The following SAMD12 variants were observed in gnomAD, a reference collection of about 807,000 sequenced individuals.
The protein encoded by SAMD12 is sterile alpha motif domain containing 12.
Under a neutral mutation model 15.0 loss-of-function variants are expected in SAMD12, and 9 were observed. The ratio of observed to expected loss-of-function variants is 0.60; its 90% CI spans 0.36 to 1.05. The LOEUF is 1.05. Among genes scored for constraint, SAMD12 ranks in the 50% least tolerant of loss-of-function variants. The probability of loss-of-function intolerance (pLI) is 0.01; values close to 1 mark genes in which losing one functional copy is unlikely to be tolerated. For synonymous variants in SAMD12, 86 were observed against 90.1 expected (o/e 0.96, Z 0.25); for missense variants, 230 against 234.2 (o/e 0.98, Z 0.12).
At chr8:118,321,113 GATAT>G (rs1816231685) in intron 4 of SAMD12, among the ~76,000 whole-genome samples, 1 of 108,160 alleles carries the variant, frequency 9.2e-6, no homozygotes, top group Non-Finnish European at 1.9e-5. Flanking sequence ...TAATATATAT[GATAT>G]ATATAACATA....
intron 4 of SAMD12, among the ~76,000 whole-genome samples, chr8:118,355,620 CAGTCCCAGAAAAA>C (rs772091731): frequency 2.2e-4 from 34 of 152,256 alleles, no homozygotes; most frequent in Non-Finnish European, 2.9e-4. Flanking sequence ...AGGATTCTTC[CAGTCCCAGAAAAA>C]ACTAAAAATC....
At chr8:118,613,510 T>C (rs1346961574) in intron 1 of SAMD12, among the ~76,000 whole-genome samples, 2 of 152,248 alleles carry the variant, frequency 1.3e-5, no homozygotes, top group Non-Finnish European at 2.9e-5. Flanking sequence ...TGACTTTTCA[T>C]AGCATGATTA....
At chr8:118,329,315 G>GT (rs1432974117) in intron 4 of SAMD12, among the ~76,000 whole-genome samples, 5 of 151,942 alleles carry the variant, frequency 3.3e-5, no homozygotes, top group South Asian at 4.1e-4. Flanking sequence ...TTACTTTTAG[G>GT]TTTTTTGTAT....
At chr8:118,611,828 GCCCTGGAAAAT>G (rs1452688934) in intron 1 of SAMD12, among the ~76,000 whole-genome samples, 4 of 152,122 alleles carry the variant, frequency 2.6e-5, no homozygotes, top group Non-Finnish European at 5.9e-5. Flanking sequence ...CCAGTGGTAA[GCCCTGGAAAAT>G]CCCAATATGT....
At chr8:118,197,653 G>C in exon 5 of SAMD12, 1 of 1,450,720 alleles carries the variant, frequency 6.9e-7, no homozygotes, top group Admixed American at 1.7e-5. Flanking sequence ...CTTTCTGTGA[G>C]GAACAGGCCA....
intron 2 of SAMD12, among the ~76,000 whole-genome samples, chr8:118,510,439 G>A (rs575249508): frequency 6.6e-6 from 1 of 152,180 alleles, no homozygotes; most frequent in African/African-American, 2.4e-5. Context: ...AACTACACAT[G>A]TTTTATAGAG....
rs545962892 is a variant in SAMD12, at chr8:118,615,870, G to A, written c.13+5934C>T. On this transcript the variant is annotated intron_variant, in intron 1 of 3. Coordinates refer to ENST00000314727, the MANE Select transcript of SAMD12 (RefSeq NM_207506.3). ...GTACAATTAGACTGAAACCCTGTCC[G>A]AACTAGCTAAGAGGGCTACAAAAGA... Among the ~76,000 whole-genome samples, 21 of 152,204 alleles carry A rather than the reference G, an allele frequency of 1.4e-4. 1 individual carries two copies. The highest frequency in any genetic ancestry group is 1.5e-5 in the Non-Finnish European group (1 of 68,032).
At chr8:118,151,966 C>T in the SAMD12 span, among the ~76,000 whole-genome samples, 1 of 152,030 alleles carries the variant, frequency 6.6e-6, no homozygotes, top group African/African-American at 2.4e-5. Flanking sequence ...GGAAGCCACC[C>T]CAACCTTAAG....
At chr8:118,539,344 A>G (rs937572782) in intron 2 of SAMD12, among the ~76,000 whole-genome samples, 1 of 152,216 alleles carries the variant, frequency 6.6e-6, no homozygotes, top group East Asian at 1.9e-4. Flanking sequence ...CTTGGCTGGC[A>G]TAGAACATGA....
At chr8:118,475,360 A>G (rs1431932071) in intron 2 of SAMD12, among the ~76,000 whole-genome samples, 1 of 152,212 alleles carries the variant, frequency 6.6e-6, no homozygotes, top group Non-Finnish European at 1.5e-5. Context: ...GAGTGGAAGC[A>G]GCTTGTGGCC....
At chr8:118,145,302 C>T in the SAMD12 span, among the ~76,000 whole-genome samples, 1 of 152,098 alleles carries the variant, frequency 6.6e-6, no homozygotes. Context: ...TTGAAAAATG[C>T]TCAATTATGT....
the SAMD12 span, among the ~76,000 whole-genome samples, chr8:118,174,450 T>A: frequency 6.6e-6 from 1 of 152,152 alleles, no homozygotes; most frequent in Non-Finnish European, 1.5e-5. Context: ...ATGGGTCAAG[T>A]GTATCTGCGT....
At chr8:118,325,776 CCTCT>C (rs1274985862) in intron 4 of SAMD12, among the ~76,000 whole-genome samples, 1 of 152,104 alleles carries the variant, frequency 6.6e-6, no homozygotes, top group Non-Finnish European at 1.5e-5. Context: ...TGATTGTAGT[CCTCT>C]CTATTTTTGA....
chr8:118,331,265 C>G (rs1816794932), intron 4 of SAMD12, among the ~76,000 whole-genome samples: 1 of 152,054 alleles, frequency 6.6e-6, no homozygotes, highest in African/African-American at 2.4e-5. Context: ...CCAGGGGAAG[C>G]AGAAGAGGAA....
intron 4 of SAMD12, among the ~76,000 whole-genome samples, chr8:118,336,323 C>T (rs1001111935): frequency 6.6e-6 from 1 of 152,198 alleles, no homozygotes; most frequent in African/African-American, 2.4e-5. Context: ...ATGGATAGGT[C>T]ATACATGGTT....
At chr8:118,447,234 C>A (rs893552385) in intron 2 of SAMD12, among the ~76,000 whole-genome samples, 15 of 152,158 alleles carry the variant, frequency 9.9e-5, no homozygotes, top group African/African-American at 3.6e-4. Flanking sequence ...ACCTAGATTC[C>A]TGCATCTATG....
chr8:118,222,394 C>T (rs191480281), intron 4 of SAMD12, among the ~76,000 whole-genome samples: 114 of 152,242 alleles, frequency 7.5e-4, no homozygotes, highest in Admixed American at 7.3e-3. Flanking sequence ...TGTCATGAAC[C>T]TCTGTGAAGT....
At position 118,392,758 on chromosome 8, in the gene SAMD12, C is replaced by A. The variant is rs144519761; in HGVS notation, c.323-13058G>T. ...TACTGATATTTGGGGCCAGGTGATTCTTTGTGATACCAGCTACCTTATGCA... is the reference window on the plus strand; with the variant it reads ...TACTGATATTTGGGGCCAGGTGATTATTTGTGATACCAGCTACCTTATGCA... On this transcript the variant is annotated intron_variant, in intron 3 of 3. Transcript: ENST00000314727. Among the ~76,000 whole-genome samples the A allele has an allele frequency of 4.7e-3, 721 of 152,288 alleles. 6 individuals are homozygous for A. The highest frequency in any genetic ancestry group is 0.015 in the African/African-American group (628 of 41,568).
chr8:118,135,828 C>G, the SAMD12 span, among the ~76,000 whole-genome samples: 1 of 152,146 alleles, frequency 6.6e-6, no homozygotes, highest in African/African-American at 2.4e-5. Context: ...AGATTACAGG[C>G]GTGAGCCACC....
Sources: allele counts gnomAD v4.1 joint callset (sites outside exome capture counted in the v4.1 genomes callset), GRCh38; gene constraint gnomAD v4.1.1; transcripts MANE v1.5; gene names NCBI Gene and HGNC (gene_info 2026-07-23, HGNC 2026-07-21).